PATJ: variants seen among roughly 807,000 people sequenced by gnomAD.
The protein encoded by PATJ is inaD-like protein.
A neutral mutation model predicts 224.9 loss-of-function variants in PATJ; 190 were observed. The ratio of observed to expected loss-of-function variants is 0.84; its 90% CI spans 0.75 to 0.95. PATJ has a LOEUF of 0.95. Among genes scored for constraint, PATJ ranks in the 40% least tolerant of loss-of-function variants. The probability of loss-of-function intolerance (pLI) is 0.00; values close to 1 mark genes in which losing one functional copy is unlikely to be tolerated. For synonymous variants in PATJ, 769 were observed against 820.3 expected, an observed-to-expected ratio of 0.94 and a Z score of 1.07; for missense variants, 2,121 against 2,270.3, an observed-to-expected ratio of 0.93 and a Z score of 1.34.
intron 7 of PATJ, among the ~76,000 whole-genome samples, chr1:61,783,128 G>C (rs974351522): frequency 6.6e-6 from 1 of 152,098 alleles, no homozygotes. Context: ...GTCACTAAAT[G>C]GTTGGTTAGT....
At chr1:61,918,563 C>T (rs553777552) in intron 26 of PATJ, among the ~76,000 whole-genome samples, 28 of 152,122 alleles carry the variant, frequency 1.8e-4, no homozygotes, top group Admixed American at 3.3e-4. Flanking sequence ...TGCCCACCTC[C>T]GCCTCTCAAA....
chr1:61,786,854 TGC>T (rs1648651655), intron 7 of PATJ, among the ~76,000 whole-genome samples: 1 of 151,930 alleles, frequency 6.6e-6, no homozygotes, highest in Non-Finnish European at 1.5e-5. Flanking sequence ...AGCGTGGTGG[TGC>T]GCGCCTGTAA....
chr1:61,872,138 GC>G lies in PATJ; in HGVS notation c.2836-3101del, dbSNP rs1666726962. Among the ~76,000 whole-genome samples the G allele has an allele frequency of 5.3e-5, 8 of 152,080 alleles. 1 individual carries two copies. The South Asian group carries it at 1.7e-3, about 32-fold the overall frequency. On this transcript the variant is annotated intron_variant, in intron 20 of 43. Transcript: ENST00000642238. ...TAACTTTGTTTAAGAAGTCCAAATG[GC>G]CCCAAATTACAACCTTCTTCTTTTT...
At chr1:62,089,852 G>A (rs75493730) in intron 33 of PATJ, among the ~76,000 whole-genome samples, 3 of 152,202 alleles carry the variant, frequency 2.0e-5, no homozygotes, top group East Asian at 1.9e-4. Flanking sequence ...AAGAACCTTC[G>A]CACATTTGGT....
intron 9 of PATJ, among the ~76,000 whole-genome samples, chr1:61,795,009 A>G (rs1650757918): frequency 6.7e-6 from 1 of 148,908 alleles, no homozygotes; most frequent in South Asian, 2.1e-4. Flanking sequence ...GATCATATAT[A>G]GTTTTCTTAT....
intron 27 of PATJ, among the ~76,000 whole-genome samples, chr1:61,930,004 G>A (rs1675783688): frequency 6.6e-6 from 1 of 152,208 alleles, no homozygotes; most frequent in Admixed American, 6.5e-5. Flanking sequence ...AGTGGGGTCA[G>A]GAAGGAGGCT....
At chr1:62,136,015 ATTTTTTTTTTT>A (rs374594803) in intron 41 of PATJ, among the ~76,000 whole-genome samples, 21 of 63,904 alleles carry the variant, frequency 3.3e-4, no homozygotes, top group African/African-American at 7.1e-4. Context: ...AGACCATTAG[ATTTTTTTTTTT>A]TTTTTTTTTT....
chr1:61,979,707 T>C (rs758457055), intron 27 of PATJ, among the ~76,000 whole-genome samples: 3 of 151,538 alleles, frequency 2.0e-5, no homozygotes, highest in Non-Finnish European at 4.4e-5. Context: ...TTATTTAATA[T>C]ACACAGGAGC....
intron 27 of PATJ, among the ~76,000 whole-genome samples, chr1:61,972,574 AG>A (rs967755407): frequency 1.4e-4 from 21 of 152,204 alleles, no homozygotes; most frequent in African/African-American, 5.1e-4. Context: ...AATTTTTAAA[AG>A]TAAGGTTATG....
At position 62,050,888 on chromosome 1, in the gene PATJ, A is replaced by G. The variant is rs1221958010; in HGVS notation, c.4033-78A>G. 1.3e-5 allele frequency: 14 copies of G among 1,037,718 alleles called. No homozygotes were observed. In the East Asian group the frequency reaches 2.7e-4, roughly 20 times the overall value. The allele number at this position is 1,037,718 out of a possible 1,614,324, so 64.3% of individuals were successfully genotyped here. ...ACCACAACCATATGATGAGCAAATG[A>G]CATTGAGTATCTGTACAATTCGAGG... On this transcript the variant is annotated intron_variant, in intron 30 of 43. Transcript: ENST00000642238.
chr1:61,787,222 G>T (rs966050406), intron 7 of PATJ, among the ~76,000 whole-genome samples: 5 of 152,132 alleles, frequency 3.3e-5, no homozygotes, highest in Admixed American at 3.3e-4. Context: ...AACTCTGCTC[G>T]ATGCCTTCTC....
At chr1:62,149,193 C>A (rs1444637838) in intron 42 of PATJ, among the ~76,000 whole-genome samples, 1 of 151,598 alleles carries the variant, frequency 6.6e-6, no homozygotes, top group African/African-American at 2.4e-5. Flanking sequence ...ATTCCCAGGC[C>A]ACATCCCAAA....
chr1:61,910,159 C>A (rs1285197723), intron 25 of PATJ, among the ~76,000 whole-genome samples: 1 of 152,194 alleles, frequency 6.6e-6, no homozygotes, highest in Admixed American at 6.5e-5. Flanking sequence ...CCAAATTATA[C>A]TTCCAAATCA....
In PATJ at chr1:61,777,703, C is replaced by CTTTTTTTTTTTTTTTTTTT. The variant is rs66470863; in HGVS notation, c.849+2375_849+2393dup. On this transcript the variant is annotated intron_variant, in intron 7 of 43. Transcript: ENST00000642238. ...TTCTTCCTTTTTTCTTTCTTTCTTTCTTTTTTTTTTTTTTTTTTTTTTTTA... is the reference window on the plus strand; with the variant it reads ...TTCTTCCTTTTTTCTTTCTTTCTTTCTTTTTTTTTTTTTTTTTTTTTTTTTTTTTTTTTTTTTTTTTTTA... Among the ~76,000 whole-genome samples the CTTTTTTTTTTTTTTTTTTT allele has an allele frequency of 1.1e-3, 53 of 48,718 alleles. 1 individual carries two copies. Among genetic ancestry groups the CTTTTTTTTTTTTTTTTTTT allele is most frequent in the African/African-American group, 3.4e-3 (32 of 9,384 alleles). 32.0% of individuals were successfully genotyped at this position (48,718 alleles called of 152,430 possible). A position where few individuals can be genotyped will look rare whatever the true frequency, so the allele number is the denominator to read the frequency against.
chr1:61,953,455 T>C (rs1680010625), intron 27 of PATJ, among the ~76,000 whole-genome samples: 1 of 152,236 alleles, frequency 6.6e-6, no homozygotes, highest in South Asian at 2.1e-4. Context: ...TTGTTTAAAA[T>C]ATAATTTCTG....
At chr1:62,026,034 T>C (rs1313505624) in intron 29 of PATJ, among the ~76,000 whole-genome samples, 1 of 152,068 alleles carries the variant, frequency 6.6e-6, no homozygotes, top group Non-Finnish European at 1.5e-5. Flanking sequence ...TAGAAACTGC[T>C]TTCTCCCAGC....
chr1:61,760,215 C>A (rs967632406), intron 1 of PATJ, among the ~76,000 whole-genome samples: 6 of 152,114 alleles, frequency 3.9e-5, no homozygotes, highest in Non-Finnish European at 5.9e-5. Flanking sequence ...TTCAGCACTT[C>A]TTTTGGTATT....
At chr1:61,978,238 T>A (rs1284916985) in intron 27 of PATJ, among the ~76,000 whole-genome samples, 1 of 113,972 alleles carries the variant, frequency 8.8e-6, no homozygotes, top group Non-Finnish European at 1.9e-5. Flanking sequence ...CCTCCCTCCC[T>A]CCCTCCCTCC....
chr1:61,821,087 C>T (rs1657169125), intron 14 of PATJ, among the ~76,000 whole-genome samples: 1 of 151,038 alleles, frequency 6.6e-6, no homozygotes, highest in Non-Finnish European at 1.5e-5. Context: ...GTCGCCCAGG[C>T]TGGAGTGCAG....
Sources: allele counts gnomAD v4.1 joint callset (sites outside exome capture counted in the v4.1 genomes callset), GRCh38; gene constraint gnomAD v4.1.1; transcripts MANE v1.5; gene names NCBI Gene and HGNC (gene_info 2026-07-23, HGNC 2026-07-21).